KIAA1671: variants seen among roughly 807,000 people sequenced by gnomAD.
The protein encoded by KIAA1671 is KIAA1671, also known as uncharacterized protein KIAA1671.
KIAA1671 carries 52 observed loss-of-function variants against 131.2 expected under a neutral mutation model. The observed-to-expected ratio is 0.40, with a 90% CI of 0.32 to 0.50. The LOEUF (loss-of-function observed/expected upper bound fraction) is 0.50, where lower values mean the gene tolerates loss of function less well. Ranked by LOEUF, KIAA1671 falls within the 20% of genes least tolerant of loss-of-function variation. The pLI, the probability that KIAA1671 is intolerant of heterozygous loss-of-function variation, is 0.73. For missense variants in KIAA1671, 2,360 were observed against 2,364.2 expected (o/e 1.00, Z 0.04); for synonymous variants, 1,003 against 961.6 (o/e 1.04, Z -0.80).
chr22:25,177,198 G>A (rs186092252), intron 8 of KIAA1671, 150 bp from the exon 9 acceptor site: 3 of 710,946 alleles, frequency 4.2e-6, no homozygotes, highest in Non-Finnish European at 6.8e-6. Context: ...TGGGTGTTAG[G>A]TTACTATTAA....
intron 6 of KIAA1671, among the ~76,000 whole-genome samples, chr22:25,156,447 TTG>T (rs541478009): frequency 1.9e-4 from 29 of 152,124 alleles, no homozygotes; most frequent in African/African-American, 5.1e-4. Flanking sequence ...GCATATGTGT[TTG>T]TGTTTTGTGT....
intron 11 of KIAA1671, among the ~76,000 whole-genome samples, chr22:25,187,426 T>G (rs1376631642): frequency 6.6e-6 from 1 of 152,244 alleles, no homozygotes; most frequent in Non-Finnish European, 1.5e-5. Flanking sequence ...TGCTCCATGT[T>G]CCATATGAAT....
At chr22:24,957,694 T>TTTTTTGGG (rs1921786319) in intron 1 of KIAA1671, among the ~76,000 whole-genome samples, 1 of 146,316 alleles carries the variant, frequency 6.8e-6, no homozygotes, top group South Asian at 2.2e-4. Context: ...TTTTTTTTTT[T>TTTTTTGGG]GAGACGGAGT....
At chr22:25,105,958 T>C (rs1930985323) in intron 6 of KIAA1671, among the ~76,000 whole-genome samples, 1 of 152,174 alleles carries the variant, frequency 6.6e-6, no homozygotes, top group South Asian at 2.1e-4. Context: ...CCTTTCATTG[T>C]TGGGAGGAGC....
chr22:25,099,605 A>AGT (rs375225775), intron 6 of KIAA1671, among the ~76,000 whole-genome samples: 35 of 126,520 alleles, frequency 2.8e-4, no homozygotes, highest in African/African-American at 1.1e-3. Flanking sequence ...CCTAGGTTGG[A>AGT]GTGCAGTGGT....
At chr22:25,093,744 CTCTCTCTCTCTCTCTCTCTCTCTG>C (rs1930179847) in intron 6 of KIAA1671, among the ~76,000 whole-genome samples, 7 of 105,026 alleles carry the variant, frequency 6.7e-5, no homozygotes, top group Middle Eastern at 4.6e-3. Flanking sequence ...CACACTCTCT[CTCTCTCTCTCTCTCTCTCTCTCTG>C]TCTCTCTCTC....
intron 12 of KIAA1671, 85 bp downstream of exon 12, chr22:25,190,869 T>G: frequency 5.8e-6 from 5 of 865,372 alleles, no homozygotes; most frequent in South Asian, 1.5e-5. Context: ...CTTCAGAGAC[T>G]GGGGCTGTTG....
At position 25,028,154 on chromosome 22, in the gene KIAA1671, G is replaced by GCC; in HGVS notation, c.159_160dup (p.Leu54ProfsTer25). 2 of 1,550,740 alleles carry GCC rather than the reference G, an allele frequency of 1.3e-6. No homozygotes were observed. The highest frequency in any genetic ancestry group is 1.7e-6 in the Non-Finnish European group (2 of 1,146,558). On this transcript the variant is annotated frameshift_variant, in exon 3 of 13. Transcript: ENST00000358431. LOFTEE classifies it high-confidence loss of function. ...CCAGCCCGGATCTTGGAAGCGAAGA[G>GCC]CCCCCTGCGGAGCCCGGCCCGGTTA...
At chr22:25,067,529 C>T (rs1329665995) in intron 6 of KIAA1671, among the ~76,000 whole-genome samples, 8 of 152,000 alleles carry the variant, frequency 5.3e-5, no homozygotes, top group Admixed American at 5.2e-4. Context: ...CTCCTTTCAC[C>T]CTCTGTGTTC....
At chr22:25,078,661 A>T (rs1327157691) in intron 6 of KIAA1671, among the ~76,000 whole-genome samples, 1 of 152,216 alleles carries the variant, frequency 6.6e-6, no homozygotes, top group Non-Finnish European at 1.5e-5. Flanking sequence ...GTAAGCAATT[A>T]CTGTTACCAG....
intron 6 of KIAA1671, among the ~76,000 whole-genome samples, chr22:25,154,379 T>G (rs1488885585): frequency 6.6e-6 from 1 of 152,238 alleles, no homozygotes; most frequent in Non-Finnish European, 1.5e-5. Flanking sequence ...TGCTCATTCC[T>G]CCTCAGGACA....
At chr22:25,161,144 C>T (rs1325023314) in intron 6 of KIAA1671, among the ~76,000 whole-genome samples, 2 of 152,018 alleles carry the variant, frequency 1.3e-5, no homozygotes, top group East Asian at 3.9e-4. Context: ...TTCTTTCTTC[C>T]CTCCTTCCCT....
At chr22:25,004,502 A>G (rs1369534700) in intron 1 of KIAA1671, among the ~76,000 whole-genome samples, 2 of 152,184 alleles carry the variant, frequency 1.3e-5, no homozygotes, top group Non-Finnish European at 2.9e-5. Flanking sequence ...TCAAAGTGAA[A>G]AGTTACCAAA....
Position 25,011,003 on chromosome 22 carries a change from G to C in KIAA1671, c.-207-14630G>C, listed in dbSNP as rs1434342352. 3 of 152,144 alleles carry C rather than the reference G, an allele frequency of 2.0e-5. No homozygotes were observed. The East Asian group carries it at 5.8e-4, about 29-fold the overall frequency. The allele number at this position is 152,144 out of a possible 1,614,324, so 9.4% of individuals were successfully genotyped here. On this transcript the variant is annotated intron_variant, in intron 1 of 12. Coordinates refer to ENST00000358431, the MANE Select transcript of KIAA1671 (RefSeq NM_001145206.2). Reference sequence around the variant, plus strand: ...CTGCCTGGATTTTTTTTGAGACAGTGTTTCACTCTGTTGCCCAGACTGGAG... The same window carrying C: ...CTGCCTGGATTTTTTTTGAGACAGTCTTTCACTCTGTTGCCCAGACTGGAG...
At chr22:24,971,754 A>C (rs531456395) in intron 1 of KIAA1671, among the ~76,000 whole-genome samples, 1 of 152,136 alleles carries the variant, frequency 6.6e-6, no homozygotes, top group South Asian at 2.1e-4. Context: ...TGAAGGAAAG[A>C]GTTTGGCTTG....
At chr22:24,969,895 G>A (rs1044456624) in intron 1 of KIAA1671, among the ~76,000 whole-genome samples, 1 of 152,154 alleles carries the variant, frequency 6.6e-6, no homozygotes, top group Non-Finnish European at 1.5e-5. Context: ...TTAGAGAGGG[G>A]CCCCTTCTAT....
intron 6 of KIAA1671, among the ~76,000 whole-genome samples, chr22:25,103,694 G>A (rs769473447): frequency 3.9e-5 from 6 of 151,940 alleles, no homozygotes; most frequent in Admixed American, 6.6e-5. Context: ...GGGTTTCACC[G>A]TGTTAGCCAG....
Position 25,028,494 on chromosome 22 carries a change from G to A in KIAA1671, c.495G>A (p.Glu165=), listed in dbSNP as rs935870815. ...GGAAGGCGGTTAGTGAGGGGGCGGA[G>A]GAGGCCAAGCTAGGTGTGTCCGGCT... The part of the protein sequence containing the change: ...ALGKAVSEGA[E]EAKLGVSGSR... The change falls in exon 3 of 13, where the codon GAG becomes GAA. Residue 165 remains glutamate, a synonymous_variant. Coordinates refer to ENST00000358431, the MANE Select transcript of KIAA1671 (RefSeq NM_001145206.2). 101 of 1,549,418 alleles carry A rather than the reference G, an allele frequency of 6.5e-5. No individual in the cohort carries two copies. The highest frequency in any genetic ancestry group is 8.6e-5 in the Non-Finnish European group (98 of 1,146,192).
intron 6 of KIAA1671, chr22:25,112,337 C>T (rs1176719879): frequency 2.5e-6 from 1 of 398,938 alleles, no homozygotes; most frequent in Non-Finnish European, 4.4e-6. Context: ...CCCCTTCAAG[C>T]GTACTTCCTC....
Sources: gnomAD v4.1 joint callset for allele counts (sites outside exome capture counted in the v4.1 genomes callset) on GRCh38, gnomAD v4.1.1 for gene constraint, MANE v1.5 for transcripts, NCBI Gene and HGNC (gene_info 2026-07-23, HGNC 2026-07-21) for gene names.